The following ADAMTS5 variants were observed in gnomAD, a reference collection of about 807,000 sequenced individuals.
The protein encoded by ADAMTS5 is A disintegrin and metalloproteinase with thrombospondin motifs 5.
In ADAMTS5, 54 loss-of-function variants were observed where a neutral mutation model predicts 81.4. The ratio of observed to expected loss-of-function variants is 0.66; its 90% CI spans 0.53 to 0.83. The LOEUF is 0.83. Ranked by LOEUF, ADAMTS5 falls within the 40% of genes least tolerant of loss-of-function variation. The probability of loss-of-function intolerance (pLI) is 0.00; values close to 1 mark genes in which losing one functional copy is unlikely to be tolerated. For synonymous variants in ADAMTS5, 532 were observed against 508.8 expected (o/e 1.05, Z -0.61); for missense variants, 1,194 against 1,229.9 (o/e 0.97, Z 0.44).
intron 3 of ADAMTS5, among the ~76,000 whole-genome samples, chr21:26,935,906 T>A (rs1215610814): frequency 1.6e-4 from 24 of 152,220 alleles, no homozygotes; most frequent in Non-Finnish European, 4.4e-5. Context: ...AAATATTTGT[T>A]ACACACACTA....
intron 3 of ADAMTS5, among the ~76,000 whole-genome samples, chr21:26,937,888 C>T (rs535922523): frequency 6.6e-6 from 1 of 152,306 alleles, no homozygotes; most frequent in African/African-American, 2.4e-5. Context: ...AACACTTTGA[C>T]CCTTCCCTCC....
At chr21:26,931,578 T>G (rs1986907174) in intron 6 of ADAMTS5, among the ~76,000 whole-genome samples, 1 of 152,190 alleles carries the variant, frequency 6.6e-6, no homozygotes, top group Admixed American at 6.5e-5. Context: ...CAGAGGTATA[T>G]GATCTTGAAA....
At chr21:26,953,778 A>G (rs919641796) in intron 2 of ADAMTS5, among the ~76,000 whole-genome samples, 1 of 152,140 alleles carries the variant, frequency 6.6e-6, no homozygotes, top group African/African-American at 2.4e-5. Context: ...AAAGCAAAAC[A>G]TAAGTACATG....
chr21:26,961,265 AAT>A (rs1182019765), intron 1 of ADAMTS5, among the ~76,000 whole-genome samples: 1 of 152,238 alleles, frequency 6.6e-6, no homozygotes, highest in Non-Finnish European at 1.5e-5. Flanking sequence ...TTAATTGTAA[AAT>A]AGTTTGTGGC....
intron 2 of ADAMTS5, among the ~76,000 whole-genome samples, chr21:26,954,215 C>A (rs1987375567): frequency 6.6e-6 from 1 of 152,044 alleles, no homozygotes; most frequent in South Asian, 2.1e-4. Context: ...TTAAAGCAAA[C>A]CCTGTTGAGT....
At position 26,919,986 on chromosome 21, in the gene ADAMTS5, C is replaced by A. The variant is rs530132278; in HGVS notation, c.*4067G>T. The A allele has an allele frequency of 6.6e-6, 1 of 152,074 alleles. No homozygotes were observed. The highest frequency in any genetic ancestry group is 6.6e-5 in the Admixed American group (1 of 15,266). The allele number at this position is 152,074 out of a possible 1,614,324, so 9.4% of individuals were successfully genotyped here. A position where few individuals can be genotyped will look rare whatever the true frequency, so the allele number is the denominator to read the frequency against. On this transcript the variant is annotated 3_prime_UTR_variant, in exon 8 of 8. Transcript: ENST00000284987. ...TTATTTAGTAGTTTTGAAATGTTAG[C>A]AAATATAAGGTATTTGTAAAGCATC...
rs1163343854 is a variant in ADAMTS5, at chr21:26,929,937, C to T, written c.2174G>A (p.Gly725Glu). Residue 725 changes from glycine (G) to glutamate (E), a missense_variant, in exon 7 of 8, where the codon GGA (glycine) becomes GAA (glutamate). By Grantham distance (98) the Gly-to-Glu change is moderately conservative. Coordinates refer to ENST00000284987, the MANE Select transcript of ADAMTS5 (RefSeq NM_007038.5). ...CTTTGTACAGCTGGAGTTGTCTCCT[C>T]CACATACTCCGCACTTGTCATACTG... Reference protein sequence around the residue: ...KLQYDKCGVCGGDNSSCTKIV... With the variant: ...KLQYDKCGVCEGDNSSCTKIV... 9 of 1,614,126 alleles carry T rather than the reference C, an allele frequency of 5.6e-6. No individual in the cohort carries two copies. In the South Asian group the frequency reaches 7.7e-5, roughly 14 times the overall value.
rs1987690898 is a variant in ADAMTS5, at chr21:26,966,679, G to A, written c.-288C>T. 6.6e-6 allele frequency among the ~76,000 whole-genome samples: 1 copy of A among 151,118 alleles called. No homozygotes were observed. Among genetic ancestry groups the A allele is most frequent in the African/African-American group, 2.4e-5 (1 of 41,120 alleles). On this transcript the variant is annotated 5_prime_UTR_variant, in exon 1 of 8. Coordinates refer to ENST00000284987, the MANE Select transcript of ADAMTS5 (RefSeq NM_007038.5). The stretch of plus-strand genomic sequence containing the variant: ...GATTAAAAAAAAAAAGTCGGATAGT[G>A]GAGATTCAGCAAATACGGGAAAAGG...
chr21:26,934,805 A>C (rs1345500416), intron 3 of ADAMTS5, 56 bp from the exon 4 acceptor site: 22 of 1,586,138 alleles, frequency 1.4e-5, no homozygotes, highest in Non-Finnish European at 1.8e-5. Context: ...AAACCGCTAA[A>C]ATCATGGATC....
At position 26,966,101 on chromosome 21, in the gene ADAMTS5, C is replaced by T. The variant is rs1212139429; in HGVS notation, c.291G>A (p.Arg97=). 32 of 1,612,846 alleles carry T rather than the reference C, an allele frequency of 2.0e-5. No individual in the cohort carries two copies. The highest frequency in any genetic ancestry group is 2.7e-5 in the Non-Finnish European group (32 of 1,179,774). The change falls in exon 1 of 8, where the codon AGG becomes AGA. Residue 97 remains arginine, a synonymous_variant. Transcript: ENST00000284987. ...CATCTCGCTCCAGGTCCAAGAGGAA[C>T]CTCCGGCCGCCCGCGTAGACGAGGT... ...VGYLVYAGGR[R]FLLDLERDGS...
intron 7 of ADAMTS5, among the ~76,000 whole-genome samples, chr21:26,926,927 G>A (rs1460726581): frequency 2.6e-5 from 4 of 152,092 alleles, no homozygotes; most frequent in Admixed American, 2.0e-4. Context: ...TAGTATGATG[G>A]TCAGTATTGC....
In ADAMTS5 at chr21:26,920,733, G is replaced by A. The variant is rs1486208142; in HGVS notation, c.*3320C>T. The A allele has an allele frequency of 6.6e-6, 1 of 151,956 alleles. No homozygotes were observed. Among genetic ancestry groups the A allele is most frequent in the African/African-American group, 2.4e-5 (1 of 41,382 alleles). 9.4% of individuals were successfully genotyped at this position (151,956 alleles called of 1,614,324 possible). ...TACCCAAATTTAAAACTTGCACCTT[G>A]TTTCATTGAATAAGTGTTTTTCTTA... On this transcript the variant is annotated 3_prime_UTR_variant, in exon 8 of 8. Coordinates refer to ENST00000284987, the MANE Select transcript of ADAMTS5 (RefSeq NM_007038.5).
At chr21:26,950,577 C>G (rs1469936249) in intron 2 of ADAMTS5, among the ~76,000 whole-genome samples, 1 of 152,198 alleles carries the variant, frequency 6.6e-6, no homozygotes, top group Admixed American at 6.5e-5. Context: ...CACTTTTTGA[C>G]TGCCTATCCA....
At chr21:26,947,710 C>T (rs1486294172) in intron 2 of ADAMTS5, among the ~76,000 whole-genome samples, 1 of 152,164 alleles carries the variant, frequency 6.6e-6, no homozygotes, top group Non-Finnish European at 1.5e-5. Flanking sequence ...GCTGGGATTA[C>T]AGGTGTGAAC....
rs1986914165 is a variant in ADAMTS5 at position 26,931,898 on chromosome 21, T to C, written c.2049+106A>G. On this transcript the variant is annotated intron_variant, in intron 6 of 7. Transcript: ENST00000284987. ...AAATAAAAACCTTCCAAAATCTAAC[T>C]GACCCCAAACTAATAACTGTTTACG... The C allele has an allele frequency of 5.1e-6, 6 of 1,184,804 alleles. No individual in the cohort carries two copies. In the South Asian group the frequency reaches 1.1e-4, roughly 22 times the overall value. 73.4% of individuals were successfully genotyped at this position (1,184,804 alleles called of 1,614,324 possible).
chr21:26,939,153 G>A (rs1987069325), intron 3 of ADAMTS5, among the ~76,000 whole-genome samples: 1 of 152,238 alleles, frequency 6.6e-6, no homozygotes, highest in African/African-American at 2.4e-5. Flanking sequence ...TGGGCCCAGT[G>A]ATATAAGAAT....
intron 1 of ADAMTS5, among the ~76,000 whole-genome samples, chr21:26,961,927 A>T (rs1476361301): frequency 1.3e-5 from 2 of 152,176 alleles, no homozygotes; most frequent in Non-Finnish European, 2.9e-5. Flanking sequence ...GCCACGTGGT[A>T]AAGGAGAAAT....
At chr21:26,952,308 A>G (rs1487578249) in intron 2 of ADAMTS5, among the ~76,000 whole-genome samples, 1 of 152,222 alleles carries the variant, frequency 6.6e-6, no homozygotes, top group East Asian at 1.9e-4. Flanking sequence ...ACTATGTCTA[A>G]TATTCTTGTA....
chr21:26,948,139 A>G (rs1362906602), intron 2 of ADAMTS5, among the ~76,000 whole-genome samples: 1 of 152,218 alleles, frequency 6.6e-6, no homozygotes, highest in Non-Finnish European at 1.5e-5. Flanking sequence ...GTGTTAGAAA[A>G]TCTGTGATAA....
Sources: gnomAD v4.1 joint callset for allele counts (sites outside exome capture counted in the v4.1 genomes callset) on GRCh38, gnomAD v4.1.1 for gene constraint, MANE v1.5 for transcripts, NCBI Gene and HGNC (gene_info 2026-07-23, HGNC 2026-07-21) for gene names.